Variants in PPFIA4 observed in about 807,000 individuals in gnomAD.
The protein encoded by PPFIA4 is liprin-alpha-4.
In PPFIA4, 98 loss-of-function variants were observed where a neutral mutation model predicts 145.7. The ratio of observed to expected loss-of-function variants is 0.67; its 90% CI spans 0.57 to 0.80. The LOEUF (loss-of-function observed/expected upper bound fraction) is 0.80. Ranked by LOEUF, PPFIA4 falls within the 30% of genes least tolerant of loss-of-function variation. The pLI is 0.00. For synonymous variants in PPFIA4, 628 were observed against 649.6 expected, an observed-to-expected ratio of 0.97 and a Z score of 0.51; for missense variants, 1,457 against 1,632.7, an observed-to-expected ratio of 0.89 and a Z score of 1.85.
intron 19 of PPFIA4, among the ~76,000 whole-genome samples, chr1:203,058,556 G>A (rs1238927531): frequency 2.0e-5 from 3 of 152,160 alleles, no homozygotes; most frequent in African/African-American, 7.2e-5. Context: ...ATTGGTTTCT[G>A]GATTACCCAA....
At chr1:203,056,586 G>T in intron 18 of PPFIA4, 78 bp downstream of exon 18, 1 of 1,528,300 alleles carries the variant, frequency 6.5e-7, no homozygotes, top group Non-Finnish European at 8.8e-7. Flanking sequence ...TGCAGGGACC[G>T]CATCTCCCCT....
At chr1:203,076,243 A>T (rs903980144) in intron 29 of PPFIA4, 98 bp from the exon 30 acceptor site, 7 of 1,359,394 alleles carry the variant, frequency 5.1e-6, no homozygotes, top group Non-Finnish European at 7.3e-6. Context: ...CGCTTGGAGC[A>T]CGCTGCGTTG....
intron 25 of PPFIA4, 169 bp from the exon 26 acceptor site, chr1:203,067,526 G>A: frequency 1.6e-6 from 1 of 618,568 alleles, no homozygotes; most frequent in South Asian, 1.9e-5. Context: ...GTAACCTCGG[G>A]ATGGGTCGCA....
Position 203,048,809 on chromosome 1 carries a change from G to A in PPFIA4, c.1356+95G>A, listed in dbSNP as rs1479234638. 5.2e-6 allele frequency: 8 copies of A among 1,534,034 alleles called. No homozygotes were observed. The highest frequency in any genetic ancestry group is 5.3e-6 in the Non-Finnish European group (6 of 1,137,094). Reference sequence around the variant, plus strand: ...TGATGGGCGCAGGCGGGGTCTCAATGGGGTGGGTGGCCAGCCTGGAGAGGT... The same window carrying A: ...TGATGGGCGCAGGCGGGGTCTCAATAGGGTGGGTGGCCAGCCTGGAGAGGT... On this transcript the variant is annotated intron_variant, in intron 11 of 29. Coordinates refer to ENST00000295706, the MANE Select transcript of PPFIA4 (RefSeq NM_001304331.2). The surrounding 1 kb of genome is among the most constrained non-coding windows in gnomAD (Gnocchi z 5.8).
rs774951169 is a variant in PPFIA4 at position 203,055,412 on chromosome 1, T to C, written c.1830-20T>C. 6.2e-7 allele frequency: 1 copy of C among 1,612,864 alleles called. No individual in the cohort carries two copies. Among genetic ancestry groups the C allele is most frequent in the East Asian group, 2.2e-5 (1 of 44,850 alleles). The stretch of plus-strand genomic sequence containing the variant: ...CCTGGCTGGGGCTAGTGGTGAGGTC[T>C]GGTTTTGCCTCCCTTCCAGGATGAT... On this transcript the variant is annotated intron_variant, in intron 15 of 29. Transcript: ENST00000295706. The surrounding 1 kb of genome is among the most constrained non-coding windows in gnomAD (Gnocchi z 4.8).
At chr1:203,033,735 T>C (rs1213782375) in intron 1 of PPFIA4, among the ~76,000 whole-genome samples, 2 of 151,968 alleles carry the variant, frequency 1.3e-5, no homozygotes, top group African/African-American at 4.8e-5. Flanking sequence ...TACTAGCACT[T>C]TGGGAGGCCG....
At position 203,068,700 on chromosome 1, in the gene PPFIA4, T is replaced by C. The variant is rs144448470; in HGVS notation, c.3324+72T>C. ...TCACTTGCTCTCTTTCTTTCCCTCATACACAAAGGCTTAGGTATCTTGGGG... is the reference window on the plus strand; with the variant it reads ...TCACTTGCTCTCTTTCTTTCCCTCACACACAAAGGCTTAGGTATCTTGGGG... On this transcript the variant is annotated intron_variant, in intron 27 of 29. Coordinates refer to ENST00000295706, the MANE Select transcript of PPFIA4 (RefSeq NM_001304331.2). The surrounding 1 kb of genome is among the most constrained non-coding windows in gnomAD (Gnocchi z 4.7). The C allele has an allele frequency of 2.6e-4, 357 of 1,371,030 alleles. 1 individual carries two copies. The African/African-American group carries it at 4.6e-3, about 18-fold the overall frequency. 84.9% of individuals were successfully genotyped at this position (1,371,030 alleles called of 1,614,324 possible). A position where few individuals can be genotyped will look rare whatever the true frequency, so the allele number is the denominator to read the frequency against.
At chr1:203,030,218 A>G (rs544555290) in intron 1 of PPFIA4, among the ~76,000 whole-genome samples, 40 of 152,188 alleles carry the variant, frequency 2.6e-4, no homozygotes, top group African/African-American at 8.2e-4. Context: ...TTGTGAAAGG[A>G]ACTCCCACAC....
intron 4 of PPFIA4, 122 bp from the exon 5 acceptor site, chr1:203,044,257 G>T: frequency 8.6e-7 from 1 of 1,159,520 alleles, no homozygotes; most frequent in Middle Eastern, 2.0e-4. Context: ...TCCTGCAAAT[G>T]TGCTGCTTAG....
rs1464058229 is a variant in PPFIA4, at chr1:203,043,447, A to G, written c.285A>G (p.Leu95=). 4 of 1,611,676 alleles carry G rather than the reference A, an allele frequency of 2.5e-6. No homozygotes were observed. The highest frequency in any genetic ancestry group is 3.4e-6 in the Non-Finnish European group (4 of 1,179,446). The change falls in exon 3 of 30, where the codon CTA becomes CTG. Residue 95 remains leucine, a synonymous_variant. Coordinates refer to ENST00000295706, the MANE Select transcript of PPFIA4 (RefSeq NM_001304331.2). The surrounding 1 kb of genome is among the most constrained non-coding windows in gnomAD (Gnocchi z 4.4). ...TGAGCATGTGTCGGGAGCAGCTTCT[A>G]GAGCGGGAGGAAGAGATATCAGAAC... The part of the protein sequence containing the change: ...RELSMCREQL[L]EREEEISELK...
At chr1:203,035,665 G>A (rs547755707) in intron 1 of PPFIA4, 61 of 456,728 alleles carry the variant, frequency 1.3e-4, no homozygotes, top group South Asian at 6.3e-4. Flanking sequence ...GAAATTGTGC[G>A]GGAGTTGAGG....
In PPFIA4 at chr1:203,043,032, A is replaced by G. The variant is rs1659812416; in HGVS notation, c.235-365A>G. Among the ~76,000 whole-genome samples, 1 of 152,166 alleles carries G rather than the reference A, an allele frequency of 6.6e-6. No homozygotes were observed. Among genetic ancestry groups the G allele is most frequent in the South Asian group, 2.1e-4 (1 of 4,822 alleles). On this transcript the variant is annotated intron_variant, in intron 2 of 29. Transcript: ENST00000295706. This position sits in a 1 kb window ranked among gnomAD's most constrained non-coding sequence, Gnocchi z 4.4. ...CCCCTCCATCAGTTTCTAAAGGAAA[A>G]TGTCATTGAATTCCTGGAGAAATGG... is the stretch of plus-strand genomic sequence containing the variant.
intron 18 of PPFIA4, 46 bp downstream of exon 18, chr1:203,056,554 C>T (rs1660969062): frequency 2.5e-6 from 4 of 1,595,680 alleles, no homozygotes; most frequent in Non-Finnish European, 2.6e-6. Context: ...CCACAGGGTC[C>T]TCTCCTCCCT....
chr1:203,028,122 G>A (rs538060711), intron 1 of PPFIA4, among the ~76,000 whole-genome samples: 1 of 152,350 alleles, frequency 6.6e-6, no homozygotes. Context: ...TAGACACTCT[G>A]TGTAGTGGGA....
rs756553745 is a variant in PPFIA4, at chr1:203,060,332, A to G, written c.2699A>G (p.Asn900Ser). The G allele has an allele frequency of 6.8e-6, 11 of 1,613,902 alleles. No homozygotes were observed. In the African/African-American group the frequency reaches 1.1e-4, roughly 16 times the overall value. The change falls in exon 22 of 30, where the codon AAT becomes AGT. Residue 900 changes from asparagine to serine, a missense_variant. This residue lies in a region of PPFIA4 where 848 missense variants were observed against 1,046.7 expected (regional missense o/e 0.81). Transcript: ENST00000295706. This position sits in a 1 kb window ranked among gnomAD's most constrained non-coding sequence, Gnocchi z 4.8. ...ATCCAGCGGGAGATCGGCATCAGCA[A>G]TGCCCTGCACCGGCTCAAGCTCCGC... Reference protein sequence around the residue: ...TEIQREIGISNALHRLKLRLA... With the variant: ...TEIQREIGISSALHRLKLRLA...
At chr1:203,027,874 G>C (rs573953681) in intron 1 of PPFIA4, among the ~76,000 whole-genome samples, 1 of 152,256 alleles carries the variant, frequency 6.6e-6, no homozygotes, top group South Asian at 2.1e-4. Flanking sequence ...AAAGAACTGT[G>C]TCCACGTGCT....
chr1:203,056,990 G>A (rs563405836), intron 19 of PPFIA4, 40 bp downstream of exon 19: 2 of 1,608,180 alleles, frequency 1.2e-6, no homozygotes, highest in Admixed American at 3.3e-5. Context: ...GGCGGGCATT[G>A]GGGCATCAGA....
Position 203,032,041 on chromosome 1 carries a change from CGTGT to C in PPFIA4, c.-400+5439_-400+5442del, listed in dbSNP as rs66626205. Among the ~76,000 whole-genome samples the C allele has an allele frequency of 4.9e-3, 720 of 146,448 alleles. 10 individuals carry two copies. Among genetic ancestry groups the C allele is most frequent in the African/African-American group, 0.017 (683 of 39,626 alleles). On this transcript the variant is annotated intron_variant, in intron 1 of 29. Coordinates refer to ENST00000295706, the MANE Select transcript of PPFIA4 (RefSeq NM_001304331.2). ...CTGATGTACAGCCTTTCTGAGAGAACGTGTGTGTGTGTGTGTGTGTGTGTGTGTG... is the reference window on the plus strand; with the variant it reads ...CTGATGTACAGCCTTTCTGAGAGAACGTGTGTGTGTGTGTGTGTGTGTGTG...
chr1:203,068,604 C>A lies in PPFIA4; in HGVS notation c.3300C>A (p.Leu1100=). 6.4e-7 allele frequency: 1 copy of A among 1,561,352 alleles called. No homozygotes were observed. The highest frequency in any genetic ancestry group is 8.6e-7 in the Non-Finnish European group (1 of 1,156,552). The part of the protein sequence containing the change: ...NFDHNTLALI[L]QIPTQNTQAR... The stretch of plus-strand genomic sequence containing the variant: ...ACCACAACACACTGGCCCTGATCCT[C>A]CAGATCCCCACACAGAACACCCAGG... Residue 1100 remains leucine (L), a synonymous_variant, in exon 27 of 30, where the codon CTC becomes CTA. Transcript: ENST00000295706. The surrounding 1 kb of genome is among the most constrained non-coding windows in gnomAD (Gnocchi z 4.7).
Sources: gnomAD v4.1 joint callset for allele counts (sites outside exome capture counted in the v4.1 genomes callset) on GRCh38, gnomAD v4.1.1 for gene constraint, gnomAD v4.1.1 regional missense constraint, Gnocchi (gnomAD v3.1) non-coding constraint, MANE v1.5 for transcripts, NCBI Gene and HGNC (gene_info 2026-07-23, HGNC 2026-07-21) for gene names.